The following AKAP6 variants were observed in gnomAD, a reference collection of about 807,000 sequenced individuals.
AKAP6 encodes the protein A-kinase anchor protein 6.
In AKAP6, 58 loss-of-function variants were observed where a neutral mutation model predicts 188.5. The ratio of observed to expected loss-of-function variants is 0.31; its 90% CI spans 0.25 to 0.38. The LOEUF is 0.38. Among genes scored for constraint, AKAP6 ranks in the 10% least tolerant of loss-of-function variants. The pLI is 1.00. For missense variants in AKAP6, 2,710 were observed against 2,740.0 expected, an observed-to-expected ratio of 0.99 and a Z score of 0.24; for synonymous variants, 989 against 998.6, an observed-to-expected ratio of 0.99 and a Z score of 0.18.
chr14:32,502,486 T>G (rs1880655128), intron 2 of AKAP6, among the ~76,000 whole-genome samples: 1 of 152,164 alleles, frequency 6.6e-6, no homozygotes. Flanking sequence ...GAAATACATT[T>G]ACAGAGCCAA....
chr14:32,779,666 T>TAAAGCAAA (rs1045765761), intron 12 of AKAP6, among the ~76,000 whole-genome samples: 23 of 152,030 alleles, frequency 1.5e-4, no homozygotes, highest in African/African-American at 5.6e-4. Context: ...TTAAAATACA[T>TAAAGCAAA]AAAGCAAAAA....
chr14:32,803,445 G>A (rs118040535), intron 12 of AKAP6, among the ~76,000 whole-genome samples: 3,195 of 152,020 alleles, frequency 0.021, 32 homozygotes, highest in Middle Eastern at 0.051. Context: ...ATTTTGCTGC[G>A]CTAAAAAAAT....
In AKAP6 at chr14:32,639,519, A is replaced by G. The variant is rs76865250; in HGVS notation, c.2730+38727A>G. On this transcript the variant is annotated intron_variant, in intron 7 of 13. Coordinates refer to ENST00000280979, the MANE Select transcript of AKAP6 (RefSeq NM_004274.5). ...GTCAAGGGTTCATTGAGTATCTTCT[A>G]TGTGCTGGAAATCACACCAAGCTTT... Among the ~76,000 whole-genome samples the G allele has an allele frequency of 4.2e-3, 641 of 152,282 alleles. 3 individuals carry two copies. Among genetic ancestry groups the G allele is most frequent in the African/African-American group, 0.013 (550 of 41,572 alleles).
chr14:32,827,414 GAT>G (rs901166077), intron 13 of AKAP6, among the ~76,000 whole-genome samples: 2 of 151,378 alleles, frequency 1.3e-5, no homozygotes, highest in Non-Finnish European at 2.9e-5. Context: ...ACCCAGAAGA[GAT>G]ATAACTTAGA....
chr14:32,546,896 A>G lies in AKAP6; in HGVS notation c.2243A>G (p.Glu748Gly), dbSNP rs779989097. 1 of 1,613,950 alleles carries G rather than the reference A, an allele frequency of 6.2e-7. No homozygotes were observed. The highest frequency in any genetic ancestry group is 8.5e-7 in the Non-Finnish European group (1 of 1,180,012). ...AAGTCAGAAAGAGCTTCATCCTCTG[A>G]GAAAAATGAGAGCCATTCTGCCACT... ...DEKSERASSS[E>G]KNESHSATKS... Residue 748 changes from glutamate to glycine, a missense_variant, in exon 4 of 14, where the codon GAG becomes GGG. Glu to Gly is a moderately conservative substitution (Grantham distance 98, BLOSUM62 -2). Coordinates refer to ENST00000280979, the MANE Select transcript of AKAP6 (RefSeq NM_004274.5).
At chr14:32,515,441 C>T (rs900438906) in intron 2 of AKAP6, among the ~76,000 whole-genome samples, 1 of 152,106 alleles carries the variant, frequency 6.6e-6, no homozygotes, top group Non-Finnish European at 1.5e-5. Flanking sequence ...ACTCGTTCTA[C>T]TACTTGGAAG....
At chr14:32,540,160 C>A (rs563736120) in intron 3 of AKAP6, among the ~76,000 whole-genome samples, 128 of 110,554 alleles carry the variant, frequency 1.2e-3, no homozygotes, top group African/African-American at 3.6e-3. Context: ...CTCTCTCTCT[C>A]TCTCTCTCTA....
rs1343615983 is a variant in AKAP6 at position 32,545,844 on chromosome 14, A to G, written c.1191A>G (p.Lys397=). ...PTLPKRGLFL[K]EETFKNDLKG... is the part of the protein sequence containing the mutation. ...TGCCAAAAAGAGGACTTTTTCTTAA[A>G]GAGGAAACTTTTAAGAATGATCTGA... The change falls in exon 4 of 14, where the codon AAA becomes AAG. Residue 397 remains lysine (K), a synonymous_variant. Transcript: ENST00000280979. 1.2e-6 allele frequency: 2 copies of G among 1,614,084 alleles called. No individual in the cohort carries two copies. The highest frequency in any genetic ancestry group is 2.2e-5 in the East Asian group (1 of 44,896).
At chr14:32,468,310 C>G (rs940533642) in intron 2 of AKAP6, among the ~76,000 whole-genome samples, 1 of 152,202 alleles carries the variant, frequency 6.6e-6, no homozygotes, top group African/African-American at 2.4e-5. Flanking sequence ...ATTTCCTACT[C>G]TGTGCCTTTT....
intron 2 of AKAP6, among the ~76,000 whole-genome samples, chr14:32,505,646 G>A (rs1351146653): frequency 6.6e-6 from 1 of 151,972 alleles, no homozygotes; most frequent in Non-Finnish European, 1.5e-5. Context: ...TCACTTGAGT[G>A]TTATGTGTAA....
At chr14:32,547,904 A>G (rs1566569306) in intron 4 of AKAP6, among the ~76,000 whole-genome samples, 1 of 152,106 alleles carries the variant, frequency 6.6e-6, no homozygotes, top group Non-Finnish European at 1.5e-5. Flanking sequence ...TGATCTTTTA[A>G]GAGGCATCTG....
chr14:32,418,534 T>C (rs1889733771), intron 1 of AKAP6, among the ~76,000 whole-genome samples: 1 of 152,156 alleles, frequency 6.6e-6, no homozygotes. Context: ...GTTGACCTAT[T>C]ATAATGTTCA....
Position 32,834,334 on chromosome 14 carries a change from C to T in AKAP6, c.*4529C>T, listed in dbSNP as rs12883788. 56,390 of 151,464 alleles carry T rather than the reference C, an allele frequency of 0.37. 11,625 individuals are homozygous for T. Among genetic ancestry groups the T allele is most frequent in the Non-Finnish European group, 0.47 (31,769 of 67,842 alleles). 9.4% of individuals were successfully genotyped at this position (151,464 alleles called of 1,614,324 possible). ...CCAGGAGGCAGAGGTTGCAGTGAGC[C>T]GAGATTGCACCACTGCACTCCAGCC... On this transcript the variant is annotated 3_prime_UTR_variant, in exon 14 of 14. Transcript: ENST00000280979.
At chr14:32,390,940 A>C (rs1888694053) in intron 1 of AKAP6, among the ~76,000 whole-genome samples, 1 of 152,010 alleles carries the variant, frequency 6.6e-6, no homozygotes, top group South Asian at 2.1e-4. Context: ...CCAAGAATCT[A>C]GTTGTCTCTG....
At position 32,836,105 on chromosome 14, in the gene AKAP6, C is replaced by T. The variant is rs2034872485; in HGVS notation, c.*6300C>T. 6.6e-6 allele frequency: 1 copy of T among 152,194 alleles called. No individual in the cohort carries two copies. The highest frequency in any genetic ancestry group is 1.5e-5 in the Non-Finnish European group (1 of 68,042). The allele number at this position is 152,194 out of a possible 1,614,324, so 9.4% of individuals were successfully genotyped here. ...AAATCATTGCCTGCATAAAGCAACT[C>T]TTTTGTCTCTTTTCCATTGCAACAC... On this transcript the variant is annotated 3_prime_UTR_variant, in exon 14 of 14. Coordinates refer to ENST00000280979, the MANE Select transcript of AKAP6 (RefSeq NM_004274.5).
chr14:32,514,456 A>C (rs1384127496), intron 2 of AKAP6, among the ~76,000 whole-genome samples: 1 of 152,222 alleles, frequency 6.6e-6, no homozygotes, highest in Non-Finnish European at 1.5e-5. Context: ...ACATCTAAGA[A>C]AGAGCTGCCA....
intron 1 of AKAP6, among the ~76,000 whole-genome samples, chr14:32,352,568 C>A (rs1887325466): frequency 6.6e-6 from 1 of 152,178 alleles, no homozygotes; most frequent in Non-Finnish European, 1.5e-5. Flanking sequence ...CCCTCCCTCT[C>A]TCTGTCCTCA....
chr14:32,528,611 T>TC (rs1234162360), intron 2 of AKAP6, among the ~76,000 whole-genome samples: 5 of 152,230 alleles, frequency 3.3e-5, no homozygotes, highest in Non-Finnish European at 2.9e-5. Flanking sequence ...GTAATGTTAG[T>TC]CCCCCCGTTG....
At chr14:32,815,897 G>A (rs1029097261) in intron 12 of AKAP6, among the ~76,000 whole-genome samples, 3 of 152,140 alleles carry the variant, frequency 2.0e-5, no homozygotes, top group Non-Finnish European at 4.4e-5. Flanking sequence ...ATGGAACTGA[G>A]GCATATAGAA....
Sources: gnomAD v4.1 joint callset for allele counts (sites outside exome capture counted in the v4.1 genomes callset) on GRCh38, gnomAD v4.1.1 for gene constraint, MANE v1.5 for transcripts, NCBI Gene and HGNC (gene_info 2026-07-23, HGNC 2026-07-21) for gene names.